The following OSCP1 variants were observed in gnomAD, a reference collection of about 807,000 sequenced individuals.
OSCP1 encodes protein OSCP1.
A neutral mutation model predicts 45.1 loss-of-function variants in OSCP1; 35 were observed. The observed-to-expected ratio is 0.78, with a 90% CI of 0.59 to 1.03. The LOEUF (loss-of-function observed/expected upper bound fraction) is 1.03, where lower values mean the gene tolerates loss of function less well. Ranked by LOEUF, OSCP1 falls within the 50% of genes least tolerant of loss-of-function variation. The pLI is 0.00. For synonymous variants in OSCP1, 179 were observed against 180.1 expected, an observed-to-expected ratio of 0.99 and a Z score of 0.05; for missense variants, 400 against 470.7, an observed-to-expected ratio of 0.85 and a Z score of 1.39.
chr1:36,436,163 G>C (rs1208100062), intron 2 of OSCP1, among the ~76,000 whole-genome samples: 1 of 149,552 alleles, frequency 6.7e-6, no homozygotes, highest in Non-Finnish European at 1.5e-5. Flanking sequence ...GAGTGCAGTG[G>C]CGTGATCTCA....
intron 4 of OSCP1, among the ~76,000 whole-genome samples, chr1:36,429,306 A>G (rs1396761273): frequency 6.6e-6 from 1 of 151,620 alleles, no homozygotes; most frequent in Non-Finnish European, 1.5e-5. Flanking sequence ...AGGTCACTTG[A>G]GCCCAGGAGA....
chr1:36,420,763 C>G (rs2275478), intron 7 of OSCP1, 148 bp from the exon 8 acceptor site: 727,561 of 1,116,658 alleles, frequency 0.65, 240,162 homozygotes, highest in African/African-American at 0.78. Context: ...TAGAAAGCAG[C>G]CTTAACCAAA....
At chr1:36,434,302 A>G (rs1329424372) in intron 2 of OSCP1, among the ~76,000 whole-genome samples, 2 of 152,216 alleles carry the variant, frequency 1.3e-5, no homozygotes, top group Non-Finnish European at 2.9e-5. Flanking sequence ...CAGTTTAATA[A>G]TGAGGAAACT....
intron 1 of OSCP1, among the ~76,000 whole-genome samples, chr1:36,445,569 C>T (rs1422063944): frequency 3.2e-4 from 48 of 152,188 alleles, no homozygotes; most frequent in Non-Finnish European, 1.5e-5. Flanking sequence ...AGATCACACT[C>T]CTCTGGGAAA....
intron 2 of OSCP1, among the ~76,000 whole-genome samples, chr1:36,437,568 GGGTGTAGT>G (rs1421448137): frequency 6.6e-6 from 1 of 152,026 alleles, no homozygotes; most frequent in East Asian, 1.9e-4. Flanking sequence ...GCCCAGGCTG[GGGTGTAGT>G]GGTGTGATCT....
chr1:36,431,718 GTCCTTGT>G, intron 4 of OSCP1, 77 bp downstream of exon 4: 2 of 1,340,566 alleles, frequency 1.5e-6, no homozygotes, highest in Non-Finnish European at 2.1e-6. Flanking sequence ...CAAAATCTCC[GTCCTTGT>G]TTGCCCTCAT....
At chr1:36,440,884 G>C (rs550684907) in intron 1 of OSCP1, 1 of 152,190 alleles carries the variant, frequency 6.6e-6, no homozygotes, top group Non-Finnish European at 1.5e-5. Context: ...CTCTGGTTAG[G>C]TTAATGCTTA....
chr1:36,423,959 T>G (rs958016862), intron 4 of OSCP1, among the ~76,000 whole-genome samples: 1 of 152,206 alleles, frequency 6.6e-6, no homozygotes, highest in Non-Finnish European at 1.5e-5. Context: ...ACTATTTTTT[T>G]TTTTGAGATA....
chr1:36,441,666 G>C (rs1320455461), intron 1 of OSCP1, among the ~76,000 whole-genome samples: 2 of 149,518 alleles, frequency 1.3e-5, no homozygotes, highest in Non-Finnish European at 3.0e-5. Context: ...CAGGAGAATG[G>C]CGTGAACCCG....
chr1:36,431,327 A>T (rs1434623416), intron 4 of OSCP1, among the ~76,000 whole-genome samples: 1 of 151,994 alleles, frequency 6.6e-6, no homozygotes, highest in Non-Finnish European at 1.5e-5. Context: ...TTGGAGACAG[A>T]TGGCGGGAGA....
intron 4 of OSCP1, among the ~76,000 whole-genome samples, chr1:36,428,905 A>C (rs1648159528): frequency 6.6e-6 from 1 of 152,222 alleles, no homozygotes; most frequent in South Asian, 2.1e-4. Context: ...AGATTGTGCC[A>C]CTGCATTCCA....
At chr1:36,434,395 G>A (rs1376339931) in intron 2 of OSCP1, among the ~76,000 whole-genome samples, 1 of 152,164 alleles carries the variant, frequency 6.6e-6, no homozygotes, top group Non-Finnish European at 1.5e-5. Flanking sequence ...CCAGGACCCT[G>A]CTACACAATC....
intron 1 of OSCP1, among the ~76,000 whole-genome samples, chr1:36,448,509 C>T (rs1416841): frequency 7.2e-5 from 11 of 152,116 alleles, no homozygotes; most frequent in South Asian, 6.2e-4. Flanking sequence ...GACAATCAAG[C>T]GGGAGATAGA....
intron 1 of OSCP1, among the ~76,000 whole-genome samples, chr1:36,439,163 T>A (rs1238539060): frequency 6.6e-6 from 1 of 152,220 alleles, no homozygotes; most frequent in Non-Finnish European, 1.5e-5. Context: ...GCTTCAGAGA[T>A]TATAAACTCC....
In OSCP1 at chr1:36,417,981, G is replaced by T; in HGVS notation, c.*158C>A. The stretch of plus-strand genomic sequence containing the variant: ...GCCTTCAAGAGTGAGTGCTCCTCAA[G>T]GGAGACTCACACAGTTCCTTACAAC... On this transcript the variant is annotated 3_prime_UTR_variant, in exon 10 of 10. Transcript: ENST00000235532. 1.7e-6 allele frequency: 1 copy of T among 585,852 alleles called. No individual in the cohort carries two copies. Among genetic ancestry groups the T allele is most frequent in the Non-Finnish European group, 3.0e-6 (1 of 332,458 alleles). 36.3% of individuals were successfully genotyped at this position (585,852 alleles called of 1,614,324 possible).
intron 2 of OSCP1, among the ~76,000 whole-genome samples, chr1:36,435,325 A>G (rs1394417365): frequency 1.3e-5 from 2 of 151,540 alleles, no homozygotes; most frequent in African/African-American, 4.8e-5. Context: ...ATGTTAAAAA[A>G]TATTAGAGAC....
rs562600850 is a variant in OSCP1 at position 36,425,447 on chromosome 1, A to G, written c.517-1981T>C. ...CTAAATCAGACAGTGTATAAAAAGTAAAGCCGGCTGGGTACAGTGGCTCAC... is the reference window on the plus strand; with the variant it reads ...CTAAATCAGACAGTGTATAAAAAGTGAAGCCGGCTGGGTACAGTGGCTCAC... On this transcript the variant is annotated intron_variant, in intron 4 of 9. Transcript: ENST00000235532. Among the ~76,000 whole-genome samples, 3 of 152,292 alleles carry G rather than the reference A, an allele frequency of 2.0e-5. No individual in the cohort carries two copies. In the East Asian group the frequency reaches 5.8e-4, roughly 29 times the overall value.
chr1:36,435,865 C>T (rs59305381), intron 2 of OSCP1, among the ~76,000 whole-genome samples: 15,520 of 151,968 alleles, frequency 0.1, 933 homozygotes, highest in East Asian at 0.29. Context: ...ATCTCTTGAC[C>T]TCGTGATCCG....
At chr1:36,443,719 C>T (rs1328964962) in intron 1 of OSCP1, among the ~76,000 whole-genome samples, 2 of 152,230 alleles carry the variant, frequency 1.3e-5, no homozygotes. Flanking sequence ...ATTGCCCCAG[C>T]TGTCCCAGCA....
Sources: gnomAD v4.1 joint callset for allele counts (sites outside exome capture counted in the v4.1 genomes callset) on GRCh38, gnomAD v4.1.1 for gene constraint, MANE v1.5 for transcripts, NCBI Gene and HGNC (gene_info 2026-07-23, HGNC 2026-07-21) for gene names.